BTBD7: variants seen among roughly 807,000 people sequenced by gnomAD.
The protein encoded by BTBD7 is BTB/POZ domain-containing protein 7.
BTBD7 carries 38 observed loss-of-function variants against 99.9 expected under a neutral mutation model. The ratio of observed to expected loss-of-function variants is 0.38; its 90% CI spans 0.29 to 0.50. The LOEUF is 0.50. BTBD7 is among the 20% of genes least tolerant of loss of function. BTBD7 has a pLI of 0.93. For synonymous variants in BTBD7, 520 were observed against 511.4 expected (o/e 1.02, Z -0.23); for missense variants, 1,170 against 1,394.6 (o/e 0.84, Z 2.57).
Position 93,284,025 on chromosome 14 carries a change from TTC to T in BTBD7, c.1162+9831_1162+9832del, listed in dbSNP as rs964516192. On this transcript the variant is annotated intron_variant, in intron 3 of 10. Transcript: ENST00000334746. ...TAAGAATTTCCAAGTTACTTTAACA[TTC>T]TGAGTTATATAATTTACCATAAATT... Among the ~76,000 whole-genome samples the T allele has an allele frequency of 3.9e-5, 6 of 152,084 alleles. No individual in the cohort carries two copies. The East Asian group carries it at 9.6e-4, about 24-fold the overall frequency.
chr14:93,283,563 T>C (rs2052744897), intron 3 of BTBD7, among the ~76,000 whole-genome samples: 1 of 152,200 alleles, frequency 6.6e-6, no homozygotes, highest in Non-Finnish European at 1.5e-5. Context: ...TGTTTTGGTT[T>C]GGTTTTGAGA....
chr14:93,243,401 G>A (rs2052262259), intron 10 of BTBD7, among the ~76,000 whole-genome samples: 1 of 152,086 alleles, frequency 6.6e-6, no homozygotes, highest in Admixed American at 6.5e-5. Flanking sequence ...CAATGTGTTA[G>A]CCAGGATGGT....
chr14:93,322,315 C>T (rs967878453), intron 1 of BTBD7, among the ~76,000 whole-genome samples: 26 of 151,820 alleles, frequency 1.7e-4, no homozygotes, highest in African/African-American at 4.8e-4. Context: ...GGTGTGATCT[C>T]GCTATGTTGC....
At chr14:93,330,220 C>A (rs1408140267) in intron 1 of BTBD7, among the ~76,000 whole-genome samples, 1 of 152,202 alleles carries the variant, frequency 6.6e-6, no homozygotes, top group Non-Finnish European at 1.5e-5. Context: ...GAAATCTCCT[C>A]AATTCAGCAC....
Position 93,246,038 on chromosome 14 carries a change from T to C in BTBD7, c.2370A>G (p.Ser790=). The change falls in exon 10 of 11, where the codon TCA becomes TCG. Residue 790 remains serine (S), a synonymous_variant. Coordinates refer to ENST00000334746, the MANE Select transcript of BTBD7 (RefSeq NM_001002860.4). The part of the protein sequence containing the change: ...WKQRPPSQHP[S]RSFSYPCNHS... ...GATTACAGGGATAAGAAAATGAACGTGAAGGGTGCTGACTGGGAGGTCTTT... is the reference window on the plus strand; with the variant it reads ...GATTACAGGGATAAGAAAATGAACGCGAAGGGTGCTGACTGGGAGGTCTTT... 1 of 1,612,358 alleles carries C rather than the reference T, an allele frequency of 6.2e-7. No individual in the cohort carries two copies. Among genetic ancestry groups the C allele is most frequent in the Non-Finnish European group, 8.5e-7 (1 of 1,179,748 alleles).
chr14:93,270,511 G>A (rs967245680), intron 3 of BTBD7, among the ~76,000 whole-genome samples: 1 of 151,972 alleles, frequency 6.6e-6, no homozygotes, highest in African/African-American at 2.4e-5. Flanking sequence ...TAGCCAACAT[G>A]GCGAAACCCA....
intron 1 of BTBD7, among the ~76,000 whole-genome samples, chr14:93,300,860 T>C (rs987389134): frequency 4.0e-5 from 6 of 149,866 alleles, no homozygotes; most frequent in African/African-American, 1.2e-4. Context: ...AAGTGATCTA[T>C]CTATCTTGGC....
chr14:93,302,713 C>T (rs2053019621), intron 1 of BTBD7, among the ~76,000 whole-genome samples: 2 of 152,104 alleles, frequency 1.3e-5, no homozygotes, highest in South Asian at 4.1e-4. Context: ...GGCGTGGTGG[C>T]ATGTGACTGT....
chr14:93,275,781 A>G (rs182780071), intron 3 of BTBD7, among the ~76,000 whole-genome samples: 5 of 152,372 alleles, frequency 3.3e-5, no homozygotes, highest in Admixed American at 2.6e-4. Flanking sequence ...TAAACATTAT[A>G]AAGGTACTGT....
intron 3 of BTBD7, chr14:93,288,349 T>C (rs558415167): frequency 2.5e-5 from 15 of 609,576 alleles, no homozygotes; most frequent in Admixed American, 1.8e-4. Flanking sequence ...ATTATATTAT[T>C]TACTTTCTAG....
At chr14:93,301,208 T>G (rs77429663) in intron 1 of BTBD7, among the ~76,000 whole-genome samples, 1 of 151,726 alleles carries the variant, frequency 6.6e-6, no homozygotes, top group Non-Finnish European at 1.5e-5. Flanking sequence ...TTTTTTTTTT[T>G]GAGACAGAAT....
intron 8 of BTBD7, 124 bp from the exon 9 acceptor site, chr14:93,248,778 T>TAAA: frequency 2.2e-6 from 2 of 894,322 alleles, no homozygotes; most frequent in Non-Finnish European, 1.6e-6. Flanking sequence ...GATAGTATCT[T>TAAA]AATTTCCTGG....
chr14:93,312,040 A>G (rs139605184), intron 1 of BTBD7, among the ~76,000 whole-genome samples: 5 of 151,948 alleles, frequency 3.3e-5, no homozygotes, highest in African/African-American at 1.2e-4. Flanking sequence ...CCCCATATGT[A>G]ACTTTACTTA....
At position 93,296,863 on chromosome 14, in the gene BTBD7, G is replaced by C. The variant is rs566072781; in HGVS notation, c.-106-706C>G. On this transcript the variant is annotated intron_variant, in intron 1 of 10. Coordinates refer to ENST00000334746, the MANE Select transcript of BTBD7 (RefSeq NM_001002860.4). ...GATGATTTAAATGGACAGGCCAGTA[G>C]CAATAAAAGGTAATTCTAACAATTA... Among the ~76,000 whole-genome samples the C allele has an allele frequency of 2.4e-3, 369 of 152,232 alleles. 1 individual carries two copies. Among genetic ancestry groups the C allele is most frequent in the African/African-American group, 8.5e-3 (355 of 41,534 alleles).
In BTBD7 at chr14:93,259,762, T is replaced by A. The variant is rs1397978105; in HGVS notation, c.1447+1840A>T. Among the ~76,000 whole-genome samples, 3 of 152,094 alleles carry A rather than the reference T, an allele frequency of 2.0e-5. No homozygotes were observed. The East Asian group carries it at 5.8e-4, about 29-fold the overall frequency. Reference sequence around the variant, plus strand: ...CAGCCTGGCTAACATGGCGAAACCCTGTGTCTACTAAAAATACAAAAATTA... The same window carrying A: ...CAGCCTGGCTAACATGGCGAAACCCAGTGTCTACTAAAAATACAAAAATTA... On this transcript the variant is annotated intron_variant, in intron 5 of 10. Coordinates refer to ENST00000334746, the MANE Select transcript of BTBD7 (RefSeq NM_001002860.4).
At chr14:93,315,520 T>G (rs2053190515) in intron 1 of BTBD7, among the ~76,000 whole-genome samples, 1 of 152,208 alleles carries the variant, frequency 6.6e-6, no homozygotes, top group Non-Finnish European at 1.5e-5. Context: ...GGTTCTGACA[T>G]GTAGAACATT....
chr14:93,289,851 C>CTTT lies in BTBD7; in HGVS notation c.1162+4004_1162+4006dup, dbSNP rs34820136. Among the ~76,000 whole-genome samples, 95 of 98,412 alleles carry CTTT rather than the reference C, an allele frequency of 9.7e-4. 3 individuals carry two copies. Among genetic ancestry groups the CTTT allele is most frequent in the East Asian group, 1.6e-3 (5 of 3,198 alleles). 64.6% of individuals were successfully genotyped at this position (98,412 alleles called of 152,430 possible). ...AGGCCAAGAATCTCAACTCTCTGGGCTTTTTTTTTTTTTTTTTTTTTGGAG... is the reference window on the plus strand; with the variant it reads ...AGGCCAAGAATCTCAACTCTCTGGGCTTTTTTTTTTTTTTTTTTTTTTTTGGAG... On this transcript the variant is annotated intron_variant, in intron 3 of 10. Transcript: ENST00000334746.
chr14:93,243,977 A>G (rs1241868765), intron 10 of BTBD7: 2 of 195,842 alleles, frequency 1.0e-5, no homozygotes, highest in Non-Finnish European at 2.1e-5. Context: ...GAAGGCGAGA[A>G]AGGCTTTCTG....
chr14:93,286,544 A>AAGTTGATGT (rs1384919621), intron 3 of BTBD7, among the ~76,000 whole-genome samples: 2 of 152,092 alleles, frequency 1.3e-5, no homozygotes, highest in East Asian at 3.9e-4. Context: ...AGGCTCCTAC[A>AAGTTGATGT]AGTTGATGTT....
Sources: allele counts gnomAD v4.1 joint callset (sites outside exome capture counted in the v4.1 genomes callset), GRCh38; gene constraint gnomAD v4.1.1; transcripts MANE v1.5; gene names NCBI Gene and HGNC (gene_info 2026-07-23, HGNC 2026-07-21).